MAD1L1: variants seen among roughly 807,000 people sequenced by gnomAD.
The protein encoded by MAD1L1 is mitotic arrest deficient 1 like 1.
In MAD1L1, 95 loss-of-function variants were observed where a neutral mutation model predicts 96.9. The observed-to-expected ratio is 0.98, with a 90% CI of 0.83 to 1.16. The LOEUF (loss-of-function observed/expected upper bound fraction) is 1.16, where lower values mean the gene tolerates loss of function less well. Ranked by LOEUF, MAD1L1 falls within the 50% of genes most tolerant of loss-of-function variation. The pLI is 0.00. For synonymous variants in MAD1L1, 473 were observed against 396.6 expected (o/e 1.19, Z -2.29); for missense variants, 1,007 against 954.4 (o/e 1.06, Z -0.73).
At position 2,088,385 on chromosome 7, in the gene MAD1L1, C is replaced by T. The variant is rs1244720557; in HGVS notation, c.1074-19047G>A. On this transcript the variant is annotated intron_variant, in intron 11 of 18. Coordinates refer to ENST00000265854, the MANE Select transcript of MAD1L1 (RefSeq NM_001013836.2). This position sits in a 1 kb window ranked among gnomAD's most constrained non-coding sequence, Gnocchi z 4.4. ...CAGCCCTCCAACCTTCTGGCCCACA[C>T]TGAGCCACCTATTCCCACCACAGCC... Among the ~76,000 whole-genome samples, 13 of 152,226 alleles carry T rather than the reference C, an allele frequency of 8.5e-5. 1 individual carries two copies. Among genetic ancestry groups the T allele is most frequent in the Non-Finnish European group, 2.9e-5 (2 of 68,044 alleles).
chr7:1,976,222 G>A (rs1192889863), intron 15 of MAD1L1, among the ~76,000 whole-genome samples: 1 of 152,248 alleles, frequency 6.6e-6, no homozygotes, highest in Non-Finnish European at 1.5e-5. Flanking sequence ...CGAGATTGGT[G>A]GGTTCTTGGT....
chr7:2,153,306 C>G (rs987312345), intron 10 of MAD1L1, among the ~76,000 whole-genome samples: 2 of 152,002 alleles, frequency 1.3e-5, no homozygotes, highest in Non-Finnish European at 2.9e-5. Context: ...GGACTAACAT[C>G]CAAAATACAA....
chr7:1,842,279 T>C (rs1412954270), intron 18 of MAD1L1, among the ~76,000 whole-genome samples: 3 of 152,184 alleles, frequency 2.0e-5, no homozygotes, highest in African/African-American at 7.2e-5. Context: ...ACAGACACCC[T>C]TCCCACCTGT....
At chr7:2,198,346 C>T (rs1375832514) in intron 10 of MAD1L1, among the ~76,000 whole-genome samples, 4 of 152,172 alleles carry the variant, frequency 2.6e-5, no homozygotes, top group South Asian at 4.1e-4. Flanking sequence ...CTCCCAAGAG[C>T]CCGCCTTTGC....
intron 18 of MAD1L1, among the ~76,000 whole-genome samples, chr7:1,885,941 C>T (rs1785992413): frequency 1.3e-5 from 2 of 152,252 alleles, no homozygotes; most frequent in South Asian, 4.1e-4. Flanking sequence ...GGGCCACACG[C>T]CTGGCTTCCC....
intron 11 of MAD1L1, chr7:2,079,829 G>A (rs1785550056): frequency 2.2e-6 from 1 of 457,376 alleles, no homozygotes; most frequent in African/African-American, 2.0e-5. Flanking sequence ...CAGAGACAAG[G>A]GGGCAAGTCA....
chr7:2,210,065 T>C (rs1409508206), intron 10 of MAD1L1: 2 of 152,182 alleles, frequency 1.3e-5, no homozygotes, highest in African/African-American at 4.8e-5. Context: ...CCAGTGCATC[T>C]CAGGTTTACC....
At chr7:2,003,263 T>C (rs957300364) in intron 13 of MAD1L1, among the ~76,000 whole-genome samples, 1 of 152,096 alleles carries the variant, frequency 6.6e-6, no homozygotes, top group Admixed American at 6.5e-5. Context: ...GGCGTGTGTA[T>C]GTGCGTGTAC....
chr7:1,824,964 A>T (rs569228337), intron 18 of MAD1L1, among the ~76,000 whole-genome samples: 11 of 151,216 alleles, frequency 7.3e-5, no homozygotes, highest in Non-Finnish European at 1.6e-4. Flanking sequence ...CACGACACAC[A>T]CTCTCACACC....
Position 2,103,081 on chromosome 7 carries a change from T to G in MAD1L1, c.1074-33743A>C, listed in dbSNP as rs1786899540. 6.6e-6 allele frequency among the ~76,000 whole-genome samples: 1 copy of G among 152,154 alleles called. No homozygotes were observed. The highest frequency in any genetic ancestry group is 1.5e-5 in the Non-Finnish European group (1 of 68,024). On this transcript the variant is annotated intron_variant, in intron 11 of 18. Transcript: ENST00000265854. The surrounding 1 kb of genome is among the most constrained non-coding windows in gnomAD (Gnocchi z 4.3). ...GTCAGGCCTGGCCACGCTGCCTGCC[T>G]GCTGGAGACGCGCGTCCTCTCCCAC...
At position 2,205,214 on chromosome 7, in the gene MAD1L1, G is replaced by A. The variant is rs144013226; in HGVS notation, c.986+7998C>T. The stretch of plus-strand genomic sequence containing the variant: ...CCGTCCTTGTTTGGAGATTAAGACT[G>A]GCATTGCTACAGGGGCCTGAACTTT... On this transcript the variant is annotated intron_variant, in intron 10 of 18. Transcript: ENST00000265854. Among the ~76,000 whole-genome samples the A allele has an allele frequency of 4.7e-5, 7 of 150,004 alleles. No individual in the cohort carries two copies. The East Asian group carries it at 1.2e-3, about 25-fold the overall frequency.
At chr7:2,022,954 A>G (rs1584109116) in intron 12 of MAD1L1, among the ~76,000 whole-genome samples, 1 of 152,242 alleles carries the variant, frequency 6.6e-6, no homozygotes, top group East Asian at 1.9e-4. Context: ...ATGGCACTCC[A>G]TTCCGATAAA....
chr7:2,161,524 C>T (rs898185789), intron 10 of MAD1L1, among the ~76,000 whole-genome samples: 4 of 152,170 alleles, frequency 2.6e-5, no homozygotes, highest in Admixed American at 6.5e-5. Context: ...GCCCAGCCGC[C>T]ACCCCATCTA....
At chr7:2,063,418 T>G (rs181348351) in intron 12 of MAD1L1, among the ~76,000 whole-genome samples, 80 of 152,326 alleles carry the variant, frequency 5.3e-4, no homozygotes, top group African/African-American at 1.9e-3. Flanking sequence ...GAAGTGGCAC[T>G]CAGCTGGAGG....
intron 15 of MAD1L1, among the ~76,000 whole-genome samples, chr7:1,972,621 G>A (rs1003820182): frequency 6.6e-6 from 1 of 151,414 alleles, no homozygotes; most frequent in Non-Finnish European, 1.5e-5. Context: ...TTCCAAAAAA[G>A]CCAGAACTTA....
In MAD1L1 at chr7:2,119,964, G is replaced by A. The variant is rs142135468; in HGVS notation, c.1073+29188C>T. On this transcript the variant is annotated intron_variant, in intron 11 of 18. Transcript: ENST00000265854. The surrounding 1 kb of genome is among the most constrained non-coding windows in gnomAD (Gnocchi z 4.6). ...CTCACTCCACCTCCTCCCAGCATGC[G>A]CCCAAGGCATCCCTAGCAATGCCCC... is the stretch of plus-strand genomic sequence containing the variant. 1.0e-3 allele frequency among the ~76,000 whole-genome samples: 155 copies of A among 152,166 alleles called. 1 individual carries two copies. The highest frequency in any genetic ancestry group is 4.1e-3 in the South Asian group (20 of 4,824).
intron 10 of MAD1L1, among the ~76,000 whole-genome samples, chr7:2,198,457 G>A (rs960605362): frequency 6.6e-6 from 1 of 152,246 alleles, no homozygotes; most frequent in Non-Finnish European, 1.5e-5. Context: ...TCTAAGCCCA[G>A]GGCTGAGACA....
chr7:2,184,081 T>C (rs530295693), intron 10 of MAD1L1, among the ~76,000 whole-genome samples: 19 of 151,752 alleles, frequency 1.3e-4, no homozygotes, highest in African/African-American at 4.6e-4. Flanking sequence ...AAACCCCATC[T>C]CTACTAAAAA....
At position 2,123,304 on chromosome 7, in the gene MAD1L1, C is replaced by CAAAA. The variant is rs56201563; in HGVS notation, c.1073+25844_1073+25847dup. ...TGGGCGACAGAGCGAGACTCCATCT[C>CAAAA]AAAAAAAAAAAAAAAAGCAGCAGGG... On this transcript the variant is annotated intron_variant, in intron 11 of 18. Transcript: ENST00000265854. Among the ~76,000 whole-genome samples, 365 of 108,684 alleles carry CAAAA rather than the reference C, an allele frequency of 3.4e-3. 5 individuals carry two copies. The highest frequency in any genetic ancestry group is 0.019 in the East Asian group (74 of 3,834). The allele number at this position is 108,684 out of a possible 152,430, so 71.3% of individuals were successfully genotyped here. A position where few individuals can be genotyped will look rare whatever the true frequency, so the allele number is the denominator to read the frequency against.
Sources: gnomAD v4.1 joint callset for allele counts (sites outside exome capture counted in the v4.1 genomes callset) on GRCh38, gnomAD v4.1.1 for gene constraint, Gnocchi (gnomAD v3.1) non-coding constraint, MANE v1.5 for transcripts, NCBI Gene and HGNC (gene_info 2026-07-23, HGNC 2026-07-21) for gene names.